CUL5: variants seen among roughly 807,000 people sequenced by gnomAD.
The protein encoded by CUL5 is cullin-5.
In CUL5, 26 loss-of-function variants were observed where a neutral mutation model predicts 108.8. That is an observed-to-expected ratio of 0.24 (90% CI 0.18 to 0.33). The LOEUF is 0.33. CUL5 is among the 10% of genes least tolerant of loss of function. The pLI is 1.00. For synonymous variants in CUL5, 334 were observed against 298.0 expected (o/e 1.12, Z -1.25); for missense variants, 524 against 909.2 (o/e 0.58, Z 5.45).
intron 11 of CUL5, among the ~76,000 whole-genome samples, 156 bp downstream of exon 11, chr11:108,078,396 TTTA>T (rs1194255856): frequency 1.3e-5 from 2 of 149,296 alleles, no homozygotes; most frequent in Non-Finnish European, 3.0e-5. Flanking sequence ...TTTATAATTT[TTTA>T]TTAAATTATT....
chr11:108,024,961 C>T (rs1862420172), intron 1 of CUL5, among the ~76,000 whole-genome samples: 8 of 152,238 alleles, frequency 5.3e-5, no homozygotes, highest in Admixed American at 5.2e-4. Flanking sequence ...TCCACCTCCA[C>T]TACTAAAGCC....
At chr11:108,011,040 CCTATT>C (rs1565480267) in intron 1 of CUL5, among the ~76,000 whole-genome samples, 1 of 152,152 alleles carries the variant, frequency 6.6e-6, no homozygotes, top group South Asian at 2.1e-4. Flanking sequence ...TCTGAAGACT[CCTATT>C]AATGCATCTG....
At chr11:108,027,938 CTCTGG>C (rs1862491209) in intron 1 of CUL5, among the ~76,000 whole-genome samples, 1 of 152,126 alleles carries the variant, frequency 6.6e-6, no homozygotes, top group Non-Finnish European at 1.5e-5. Context: ...GCCACCTGTG[CTCTGG>C]TTGCTCTCTT....
chr11:108,038,274 C>T (rs528880593), intron 2 of CUL5, among the ~76,000 whole-genome samples: 1 of 152,210 alleles, frequency 6.6e-6, no homozygotes, highest in South Asian at 2.1e-4. Flanking sequence ...GAGAATAGTG[C>T]TTGTTCTCTG....
At chr11:108,089,085 C>T (rs1374872728) in intron 12 of CUL5, among the ~76,000 whole-genome samples, 2 of 151,392 alleles carry the variant, frequency 1.3e-5, no homozygotes, top group African/African-American at 4.9e-5. Flanking sequence ...ATGATGTAAG[C>T]CCAGGAATAC....
At chr11:108,037,325 C>G (rs1271888723) in intron 2 of CUL5, among the ~76,000 whole-genome samples, 2 of 152,140 alleles carry the variant, frequency 1.3e-5, no homozygotes, top group Non-Finnish European at 2.9e-5. Context: ...TATAGCCACC[C>G]AAGCAGCAAA....
chr11:108,074,237 C>T lies in CUL5; in HGVS notation c.1113+740C>T, dbSNP rs148221010. On this transcript the variant is annotated intron_variant, in intron 10 of 18. Coordinates refer to ENST00000393094, the MANE Select transcript of CUL5 (RefSeq NM_003478.6). ...GAGACTGAGTTTCGCTCTTGTTGCCCAGGCTTGAGTGCAATGGCATGATCT... is the reference window on the plus strand; with the variant it reads ...GAGACTGAGTTTCGCTCTTGTTGCCTAGGCTTGAGTGCAATGGCATGATCT... Among the ~76,000 whole-genome samples the T allele has an allele frequency of 7.2e-3, 1,052 of 146,856 alleles. 16 individuals carry two copies. Among genetic ancestry groups the T allele is most frequent in the African/African-American group, 0.025 (981 of 39,628 alleles).
intron 3 of CUL5, among the ~76,000 whole-genome samples, chr11:108,048,900 C>A (rs1002072143): frequency 6.6e-6 from 1 of 151,730 alleles, no homozygotes; most frequent in African/African-American, 2.4e-5. Context: ...CTCATGACCT[C>A]GTGATCTGCC....
At chr11:108,024,712 A>C (rs1249376688) in intron 1 of CUL5, among the ~76,000 whole-genome samples, 2 of 152,192 alleles carry the variant, frequency 1.3e-5, no homozygotes, top group African/African-American at 4.8e-5. Flanking sequence ...TCTTTTGTAC[A>C]ACAGATACCA....
chr11:108,053,377 A>G (rs17617000), intron 5 of CUL5, among the ~76,000 whole-genome samples: 12,615 of 152,260 alleles, frequency 0.083, 675 homozygotes, highest in Non-Finnish European at 0.12. Flanking sequence ...ATGGCACAAA[A>G]TCACTCTAGG....
intron 2 of CUL5, among the ~76,000 whole-genome samples, chr11:108,038,444 T>C (rs1205175120): frequency 2.0e-5 from 3 of 152,030 alleles, no homozygotes; most frequent in African/African-American, 4.8e-5. Context: ...TCCCAGCACT[T>C]TGGGAGGCTG....
intron 11 of CUL5, among the ~76,000 whole-genome samples, chr11:108,082,289 T>G (rs966546079): frequency 1.3e-5 from 2 of 151,164 alleles, no homozygotes; most frequent in African/African-American, 2.4e-5. Context: ...TCTTTCTGTT[T>G]TTTTTTTTTT....
At chr11:108,096,465 A>G in intron 16 of CUL5, among the ~76,000 whole-genome samples, 1 of 151,868 alleles carries the variant, frequency 6.6e-6, no homozygotes, top group Non-Finnish European at 1.5e-5. Context: ...CAGCCTGGGC[A>G]ACATAGTGAG....
chr11:108,070,211 G>A (rs368975766), intron 8 of CUL5, 22 bp downstream of exon 8: 1 of 1,527,796 alleles, frequency 6.5e-7, no homozygotes, highest in South Asian at 1.1e-5. Flanking sequence ...ATCACATAAA[G>A]TTATCATAAT....
intron 1 of CUL5, among the ~76,000 whole-genome samples, chr11:108,024,296 T>A (rs376477951): frequency 6.6e-6 from 1 of 152,308 alleles, no homozygotes; most frequent in East Asian, 1.9e-4. Flanking sequence ...ATGCCTGTAA[T>A]CCTAGCAGTT....
chr11:108,098,667 T>G, intron 18 of CUL5, 138 bp downstream of exon 18: 1 of 510,806 alleles, frequency 2.0e-6, no homozygotes, highest in Non-Finnish European at 3.1e-6. Context: ...CCCAACACTT[T>G]GGGATGCTGA....
chr11:108,066,720 G>A (rs1863691170), intron 7 of CUL5, among the ~76,000 whole-genome samples: 2 of 152,200 alleles, frequency 1.3e-5, no homozygotes, highest in Admixed American at 6.5e-5. Context: ...AGCACCAGCT[G>A]TGTGCCAGGA....
chr11:108,024,694 A>T (rs1862414705), intron 1 of CUL5, among the ~76,000 whole-genome samples: 1 of 152,264 alleles, frequency 6.6e-6, no homozygotes, highest in Non-Finnish European at 1.5e-5. Flanking sequence ...AAGGAAAATC[A>T]AAAGAAGTCT....
intron 10 of CUL5, 174 bp downstream of exon 10, chr11:108,073,671 G>A (rs928555679): frequency 1.6e-5 from 6 of 379,100 alleles, no homozygotes; most frequent in Non-Finnish European, 2.4e-5. Context: ...GTAAGCATTT[G>A]TTAAACATTA....
Sources: allele counts gnomAD v4.1 joint callset (sites outside exome capture counted in the v4.1 genomes callset), GRCh38; gene constraint gnomAD v4.1.1; transcripts MANE v1.5; gene names NCBI Gene and HGNC (gene_info 2026-07-23, HGNC 2026-07-21).